Variants in SNX25 observed in about 807,000 individuals in gnomAD.
SNX25 encodes the protein sorting nexin 25.
A neutral mutation model predicts 113.7 loss-of-function variants in SNX25; 62 were observed. The observed-to-expected ratio is 0.55, with a 90% CI of 0.44 to 0.67. SNX25 has a LOEUF of 0.67. Among genes scored for constraint, SNX25 ranks in the 30% least tolerant of loss-of-function variants. The pLI is 0.00. For synonymous variants in SNX25, 421 were observed against 436.2 expected (o/e 0.97, Z 0.43); for missense variants, 1,014 against 1,161.0 (o/e 0.87, Z 1.84).
At chr4:185,364,529 A>T (rs1301496812), downstream of SNX25, 1 of 152,192 alleles carries the variant, frequency 6.6e-6, no homozygotes, top group Non-Finnish European at 1.5e-5. Flanking sequence ...CTAGGATGTA[A>T]CCTATGCCAG....
intron 9 of SNX25, among the ~76,000 whole-genome samples, chr4:185,331,230 T>G (rs2095192508): frequency 6.6e-6 from 1 of 152,190 alleles, no homozygotes; most frequent in Admixed American, 6.5e-5. Flanking sequence ...TTTGTTTTTG[T>G]ACATATGGGA....
At chr4:185,359,519 C>T (rs562167488) in intron 16 of SNX25, among the ~76,000 whole-genome samples, 6 of 152,096 alleles carry the variant, frequency 3.9e-5, no homozygotes, top group African/African-American at 1.2e-4. Flanking sequence ...AAAGGCCAGG[C>T]GCGGTGGCTC....
At chr4:185,371,542 A>C (rs937475052), downstream of SNX25, among the ~76,000 whole-genome samples, 6 of 7,670 alleles carry the variant, frequency 7.8e-4, no homozygotes, top group South Asian at 5.3e-3. Context: ...ACTCCGTCTA[A>C]AAAAAAAAAA....
intron 5 of SNX25, among the ~76,000 whole-genome samples, chr4:185,282,542 A>G (rs1408659436): frequency 6.6e-6 from 1 of 152,144 alleles, no homozygotes; most frequent in East Asian, 1.9e-4. Context: ...GATTGTTGGG[A>G]CGTGTTCAGA....
intron 12 of SNX25, among the ~76,000 whole-genome samples, chr4:185,343,088 A>G (rs1192107247): frequency 6.6e-6 from 1 of 151,992 alleles, no homozygotes; most frequent in Admixed American, 6.6e-5. Context: ...ACGGGGTTTC[A>G]CCATGTTGGC....
chr4:185,374,247 G>C, downstream of SNX25: 1 of 1,614,078 alleles, frequency 6.2e-7, no homozygotes, highest in Non-Finnish European at 8.5e-7. Context: ...CAGTCTACAA[G>C]AGAAAGTGAG....
intron 7 of SNX25, among the ~76,000 whole-genome samples, chr4:185,318,147 C>A (rs2095090511): frequency 6.6e-6 from 1 of 152,152 alleles, no homozygotes; most frequent in Non-Finnish European, 1.5e-5. Flanking sequence ...TGATGGTATG[C>A]ACTTGATTTT....
intron 16 of SNX25, among the ~76,000 whole-genome samples, chr4:185,358,812 T>TA (rs926941080): frequency 1.5e-4 from 23 of 151,664 alleles, no homozygotes; most frequent in East Asian, 3.8e-4. Flanking sequence ...TCTAGAAATT[T>TA]AAAAAAAAAT....
At chr4:185,341,372 G>C (rs1358487090) in intron 11 of SNX25, among the ~76,000 whole-genome samples, 1 of 152,254 alleles carries the variant, frequency 6.6e-6, no homozygotes, top group Non-Finnish European at 1.5e-5. Flanking sequence ...AGTTTCTGAT[G>C]TATTTGATGG....
chr4:185,303,751 TC>T (rs2126649042), intron 6 of SNX25, among the ~76,000 whole-genome samples: 1 of 150,978 alleles, frequency 6.6e-6, no homozygotes, highest in Non-Finnish European at 1.5e-5. Context: ...TGTACTCTTC[TC>T]CATCATAAAG....
intron 5 of SNX25, among the ~76,000 whole-genome samples, chr4:185,280,948 A>G (rs758789081): frequency 3.9e-5 from 6 of 152,224 alleles, no homozygotes; most frequent in Middle Eastern, 3.2e-3. Flanking sequence ...GATCCACCCA[A>G]CATTGACCGC....
intron 1 of SNX25, among the ~76,000 whole-genome samples, chr4:185,228,370 G>A (rs1579371213): frequency 6.6e-6 from 1 of 152,062 alleles, no homozygotes; most frequent in South Asian, 2.1e-4. Flanking sequence ...GGGGGCATTC[G>A]ACTTTAGTAG....
intron 1 of SNX25, among the ~76,000 whole-genome samples, chr4:185,235,634 A>G (rs1156279459): frequency 6.6e-6 from 1 of 152,216 alleles, no homozygotes; most frequent in Non-Finnish European, 1.5e-5. Context: ...GCTCACAACT[A>G]TCATCCCAAC....
At chr4:185,330,071 G>A (rs937314272) in intron 9 of SNX25, among the ~76,000 whole-genome samples, 2 of 152,166 alleles carry the variant, frequency 1.3e-5, no homozygotes, top group African/African-American at 2.4e-5. Flanking sequence ...TCAAAGACAG[G>A]TTTATTTTGG....
intron 10 of SNX25, among the ~76,000 whole-genome samples, chr4:185,336,695 G>A (rs2095232002): frequency 6.6e-6 from 1 of 152,138 alleles, no homozygotes; most frequent in African/African-American, 2.4e-5. Context: ...TGGGATTGCT[G>A]GATCAAACGG....
At position 185,353,647 on chromosome 4, in the gene SNX25, G is replaced by A. The variant is rs1561049394; in HGVS notation, c.2584+45G>A. The A allele has an allele frequency of 2.1e-6, 3 of 1,422,102 alleles. 1 individual carries two copies. The highest frequency in any genetic ancestry group is 9.9e-7 in the Non-Finnish European group (1 of 1,005,148). 88.1% of individuals were successfully genotyped at this position (1,422,102 alleles called of 1,614,324 possible). On this transcript the variant is annotated intron_variant, in intron 15 of 18. Coordinates refer to ENST00000652585, the MANE Select transcript of SNX25 (RefSeq NM_001378034.2). ...TTTAGTGGTATTTGCTAGTTAAGTG[G>A]TATATATAATCGTACATTCACATGC...
intron 15 of SNX25, among the ~76,000 whole-genome samples, chr4:185,356,638 C>T (rs2095340532): frequency 6.6e-6 from 1 of 152,074 alleles, no homozygotes. Flanking sequence ...TGTCTAGTGC[C>T]AAGTCTGTGT....
At chr4:185,364,560 A>AT (rs1481175499), downstream of SNX25, 2 of 152,246 alleles carry the variant, frequency 1.3e-5, no homozygotes, top group African/African-American at 2.4e-5. Context: ...TATGATATAC[A>AT]TATCATACCT....
At chr4:185,336,875 C>T (rs763622286) in intron 10 of SNX25, among the ~76,000 whole-genome samples, 22 of 152,094 alleles carry the variant, frequency 1.4e-4, no homozygotes, top group African/African-American at 4.3e-4. Flanking sequence ...AAGGTGGTAT[C>T]GCATTGTGGT....
Sources: gnomAD v4.1 joint callset for allele counts (sites outside exome capture counted in the v4.1 genomes callset) on GRCh38, gnomAD v4.1.1 for gene constraint, MANE v1.5 for transcripts, NCBI Gene and HGNC (gene_info 2026-07-23, HGNC 2026-07-21) for gene names.